NCOA5: variants seen among roughly 807,000 people sequenced by gnomAD.
NCOA5 encodes the protein nuclear receptor coactivator 5.
Under a neutral mutation model 59.0 loss-of-function variants are expected in NCOA5, and 12 were observed. The observed-to-expected ratio is 0.20, with a 90% CI of 0.13 to 0.33. The LOEUF is 0.33. Among genes scored for constraint, NCOA5 ranks in the 10% least tolerant of loss-of-function variants. NCOA5 has a pLI of 1.00. For missense variants in NCOA5, 655 were observed against 766.6 expected, an observed-to-expected ratio of 0.85 and a Z score of 1.72; for synonymous variants, 270 against 275.5, an observed-to-expected ratio of 0.98 and a Z score of 0.20.
At chr20:46,086,151 T>G (rs975220215) in intron 1 of NCOA5, among the ~76,000 whole-genome samples, 8 of 152,202 alleles carry the variant, frequency 5.3e-5, no homozygotes, top group African/African-American at 1.9e-4. Context: ...ACGCTGGGAT[T>G]ACAGGTGTGA....
At chr20:46,078,794 A>C (rs1325604480) in intron 2 of NCOA5, among the ~76,000 whole-genome samples, 1 of 152,226 alleles carries the variant, frequency 6.6e-6, no homozygotes, top group East Asian at 1.9e-4. Context: ...ACCGGAAGGA[A>C]GAATACATTG....
chr20:46,084,175 T>C (rs1189754145), intron 1 of NCOA5, among the ~76,000 whole-genome samples: 2 of 152,252 alleles, frequency 1.3e-5, no homozygotes, highest in African/African-American at 4.8e-5. Context: ...AATTAAATAC[T>C]GCTATAATTT....
chr20:46,084,448 A>G (rs2085025822), intron 1 of NCOA5, among the ~76,000 whole-genome samples: 1 of 152,202 alleles, frequency 6.6e-6, no homozygotes, highest in Admixed American at 6.5e-5. Context: ...ACCCAGAGAC[A>G]CCCAACAGGG....
At chr20:46,070,577 A>G in intron 2 of NCOA5, 41 bp from the exon 3 acceptor site, 1 of 1,587,430 alleles carries the variant, frequency 6.3e-7, no homozygotes, top group Admixed American at 1.7e-5. Context: ...AAAGAAATTG[A>G]AAGTAGCCAA....
intron 4 of NCOA5, among the ~76,000 whole-genome samples, chr20:46,068,001 G>A (rs1035126882): frequency 6.6e-6 from 1 of 151,956 alleles, no homozygotes; most frequent in Non-Finnish European, 1.5e-5. Flanking sequence ...CACAATCATG[G>A]CTTGCTGAGA....
intron 1 of NCOA5, among the ~76,000 whole-genome samples, chr20:46,081,524 G>A (rs1035278820): frequency 2.6e-5 from 4 of 152,064 alleles, no homozygotes; most frequent in African/African-American, 9.7e-5. Flanking sequence ...GAATATTCAA[G>A]ATTATATCTT....
intron 1 of NCOA5, among the ~76,000 whole-genome samples, chr20:46,084,293 G>A (rs536978432): frequency 6.6e-6 from 1 of 152,306 alleles, no homozygotes; most frequent in South Asian, 2.1e-4. Context: ...TTACACCAAA[G>A]TACTTAAACA....
intron 6 of NCOA5, 146 bp from the exon 7 acceptor site, chr20:46,063,826 G>GT (rs1868923309): frequency 1.2e-6 from 1 of 831,428 alleles, no homozygotes; most frequent in Non-Finnish European, 1.8e-6. Context: ...GTGGGGTGGT[G>GT]TGGGGGGAGA....
chr20:46,088,004 T>TA (rs11086994), intron 1 of NCOA5, among the ~76,000 whole-genome samples: 48,520 of 151,190 alleles, frequency 0.32, 8,122 homozygotes, highest in East Asian at 0.57. Context: ...TATATATATA[T>TA]TTTTTTACAC....
rs745977805 is a variant in NCOA5, at chr20:46,063,618, T to C, written c.892A>G (p.Lys298Glu). The C allele has an allele frequency of 6.2e-7, 1 of 1,614,166 alleles. No homozygotes were observed. The highest frequency in any genetic ancestry group is 8.5e-7 in the Non-Finnish European group (1 of 1,180,042). The change falls in exon 7 of 8, where the codon AAG becomes GAG. Residue 298 changes from lysine (K) to glutamate (E), a missense_variant. Transcript: ENST00000290231. ...VLVARNYERY[K>E]NECREKEREE... ...CGTTCCTTCTCCCGGCACTCATTCT[T>C]GTAACGCTCATAATTTCTGGCCACC...
At chr20:46,070,154 C>G in intron 3 of NCOA5, 56 bp downstream of exon 3, 1 of 1,397,690 alleles carries the variant, frequency 7.2e-7, no homozygotes, top group Non-Finnish European at 1.0e-6. Flanking sequence ...ATTAGTTTAG[C>G]AGAACATACA....
chr20:46,080,293 G>C (rs2145548622), intron 1 of NCOA5, among the ~76,000 whole-genome samples: 1 of 152,270 alleles, frequency 6.6e-6, no homozygotes, highest in East Asian at 1.9e-4. Context: ...TAAATACCAT[G>C]TACTAAGAAA....
chr20:46,064,768 C>T (rs980330069), intron 6 of NCOA5, among the ~76,000 whole-genome samples: 2 of 152,176 alleles, frequency 1.3e-5, no homozygotes, highest in South Asian at 2.1e-4. Context: ...GCCCTCCCCC[C>T]ACACTGGAAC....
chr20:46,075,918 G>A (rs567349564), intron 2 of NCOA5, among the ~76,000 whole-genome samples: 22 of 152,288 alleles, frequency 1.4e-4, no homozygotes, highest in African/African-American at 4.3e-4. Context: ...GTGCTTGGCT[G>A]GGCCAATATT....
chr20:46,068,762 T>G (rs534681973), intron 3 of NCOA5, 124 bp from the exon 4 acceptor site: 2 of 864,388 alleles, frequency 2.3e-6, no homozygotes, highest in South Asian at 3.8e-5. Context: ...TTATCAGCTC[T>G]GTGGCTGTGA....
At chr20:46,064,802 C>T (rs1270551283) in intron 6 of NCOA5, among the ~76,000 whole-genome samples, 1 of 152,244 alleles carries the variant, frequency 6.6e-6, no homozygotes, top group Admixed American at 6.5e-5. Context: ...TGTGCCAGCA[C>T]ACCACTGTAT....
rs996137504 is a variant in NCOA5, at chr20:46,062,202, G to C, written c.*98C>G. On this transcript the variant is annotated 3_prime_UTR_variant, in exon 8 of 8. Transcript: ENST00000290231. ...ATTGATGACACTCGATGCCGGCCTG[G>C]GAGCGCAGAGAACATCCTCCAAACA... is the stretch of plus-strand genomic sequence containing the variant. The C allele has an allele frequency of 1.1e-6, 1 of 894,764 alleles. No individual in the cohort carries two copies. The highest frequency in any genetic ancestry group is 1.7e-6 in the Non-Finnish European group (1 of 599,164). 55.4% of individuals were successfully genotyped at this position (894,764 alleles called of 1,614,324 possible). A position where few individuals can be genotyped will look rare whatever the true frequency, so the allele number is the denominator to read the frequency against.
chr20:46,066,431 T>A (rs897238730), intron 5 of NCOA5, among the ~76,000 whole-genome samples: 2 of 151,844 alleles, frequency 1.3e-5, no homozygotes, highest in Non-Finnish European at 2.9e-5. Context: ...ATGAAGGGAG[T>A]ATATACTACT....
At chr20:46,069,857 G>A (rs1203711895) in intron 3 of NCOA5, among the ~76,000 whole-genome samples, 1 of 151,966 alleles carries the variant, frequency 6.6e-6, no homozygotes, top group East Asian at 1.9e-4. Context: ...CAATTGTTTT[G>A]AGTGTATACT....
Sources: gnomAD v4.1 joint callset for allele counts (sites outside exome capture counted in the v4.1 genomes callset) on GRCh38, gnomAD v4.1.1 for gene constraint, MANE v1.5 for transcripts, NCBI Gene and HGNC (gene_info 2026-07-23, HGNC 2026-07-21) for gene names.